The following TNNT3 variants were observed in gnomAD, a reference collection of about 807,000 sequenced individuals.
TNNT3 encodes the protein troponin T3, fast skeletal type.
A neutral mutation model predicts 54.2 loss-of-function variants in TNNT3; 36 were observed. That is an observed-to-expected ratio of 0.66 (90% confidence interval 0.51 to 0.88). TNNT3 has a LOEUF of 0.88. Among genes scored for constraint, TNNT3 ranks in the 40% least tolerant of loss-of-function variants. TNNT3 has a pLI of 0.00. For missense variants in TNNT3, 291 were observed against 331.6 expected (o/e 0.88, Z 0.95); for synonymous variants, 120 against 109.7 (o/e 1.09, Z -0.59).
chr11:1,934,494 GC>G (rs768369029), intron 12 of TNNT3, 49 bp downstream of exon 12: 1 of 1,607,320 alleles, frequency 6.2e-7, no homozygotes, highest in African/African-American at 1.3e-5. Flanking sequence ...TGTGGGCTAC[GC>G]CCTGTGCCCT....
intron 15 of TNNT3, 170 bp from the exon 16 acceptor site, chr11:1,938,267 AG>A: frequency 5.4e-6 from 4 of 736,816 alleles, no homozygotes; most frequent in Non-Finnish European, 9.8e-6. Context: ...CGCCAGGCAC[AG>A]GTGAGTGGGC....
chr11:1,935,840 T>G (rs1391609622), intron 14 of TNNT3, among the ~76,000 whole-genome samples: 3 of 152,028 alleles, frequency 2.0e-5, no homozygotes, highest in African/African-American at 7.2e-5. Flanking sequence ...GAGCTCCTTC[T>G]CGGGGGTTCT....
At chr11:1,934,805 G>A in intron 13 of TNNT3, 24 bp from the exon 14 acceptor site, 2 of 1,611,832 alleles carry the variant, frequency 1.2e-6, no homozygotes, top group Middle Eastern at 1.6e-4. Context: ...ATTCAACGAA[G>A]CCTCACCACT....
intron 7 of TNNT3, among the ~76,000 whole-genome samples, chr11:1,929,600 C>T (rs992525783): frequency 6.6e-6 from 1 of 152,262 alleles, no homozygotes; most frequent in African/African-American, 2.4e-5. Context: ...TGAGCTCTTC[C>T]CCTCCAACCC....
chr11:1,936,839 C>G (rs771065639), intron 14 of TNNT3, 124 bp from the exon 15 acceptor site: 526 of 983,702 alleles, frequency 5.3e-4, no homozygotes, highest in Non-Finnish European at 6.4e-4. Context: ...GAGGAGCCCT[C>G]ATGGGGGCCC....
At chr11:1,932,055 G>A (rs1200884975) in intron 8 of TNNT3, among the ~76,000 whole-genome samples, 2 of 152,192 alleles carry the variant, frequency 1.3e-5, no homozygotes, top group African/African-American at 4.8e-5. Flanking sequence ...AGGGGCTGGG[G>A]AAAGGCACAG....
chr11:1,937,127 CGGCCAGGCCACCCA>C, intron 15 of TNNT3, 124 bp downstream of exon 15: 1 of 1,062,616 alleles, frequency 9.4e-7, no homozygotes, highest in Non-Finnish European at 1.4e-6. Context: ...GAGACTAACC[CGGCCAGGCCACCCA>C]GGCCAGCATG....
At chr11:1,932,926 A>G (rs1853840157) in intron 9 of TNNT3, among the ~76,000 whole-genome samples, 1 of 146,244 alleles carries the variant, frequency 6.8e-6, no homozygotes, top group South Asian at 2.2e-4. Flanking sequence ...CCATTCATCC[A>G]TCCATCCACC....
chr11:1,925,171 C>T (rs1851197753), intron 5 of TNNT3, 55 bp downstream of exon 5: 1 of 1,602,010 alleles, frequency 6.2e-7, no homozygotes. Flanking sequence ...CTTCCCGCCC[C>T]ACCCAAAGTT....
At chr11:1,935,195 T>C in intron 14 of TNNT3, 1 of 542,646 alleles carries the variant, frequency 1.8e-6, no homozygotes. Context: ...AAAAGGACTG[T>C]CGTGGCAGAG....
intron 6 of TNNT3, among the ~76,000 whole-genome samples, chr11:1,927,129 G>A (rs1851838531): frequency 6.6e-6 from 1 of 152,224 alleles, no homozygotes; most frequent in African/African-American, 2.4e-5. Flanking sequence ...CCAGAAGCGG[G>A]AAGGTAGGGA....
At chr11:1,923,262 G>T (rs569755157) in intron 3 of TNNT3, among the ~76,000 whole-genome samples, 2 of 152,202 alleles carry the variant, frequency 1.3e-5, no homozygotes, top group South Asian at 2.1e-4. Flanking sequence ...TGGCCACATG[G>T]TCCTGAGGGG....
Position 1,938,595 on chromosome 11 carries a change from G to T in TNNT3, c.*103G>T, listed in dbSNP as rs761473892. The T allele has an allele frequency of 3.6e-5, 45 of 1,245,048 alleles. No individual in the cohort carries two copies. Among genetic ancestry groups the T allele is most frequent in the Middle Eastern group, 3.7e-4 (2 of 5,388 alleles). 77.1% of individuals were successfully genotyped at this position (1,245,048 alleles called of 1,614,324 possible). A position where few individuals can be genotyped will look rare whatever the true frequency, so the allele number is the denominator to read the frequency against. ...TCCAGCCCCCACAATCCTGTCAGGG[G>T]CTCCCTGACAGTCCTGGGGGTGGAG... On this transcript the variant is annotated 3_prime_UTR_variant, in exon 16 of 16. Coordinates refer to ENST00000278317, the MANE Select transcript of TNNT3 (RefSeq NM_006757.4).
At chr11:1,936,091 G>T (rs1164797967) in intron 14 of TNNT3, 2 of 1,049,134 alleles carry the variant, frequency 1.9e-6, no homozygotes, top group Admixed American at 1.9e-5. Flanking sequence ...GGATAGATGC[G>T]GCCACAGCGG....
chr11:1,938,513 G>C lies in TNNT3; in HGVS notation c.*21G>C, dbSNP rs770274220. Reference sequence around the variant, plus strand: ...AGTAGAGAGGCCAGAAAGGCCCCTCGAGGCAGAGACCCTCCGCCCTCTTGC... The same window carrying C: ...AGTAGAGAGGCCAGAAAGGCCCCTCCAGGCAGAGACCCTCCGCCCTCTTGC... On this transcript the variant is annotated 3_prime_UTR_variant, in exon 16 of 16. Coordinates refer to ENST00000278317, the MANE Select transcript of TNNT3 (RefSeq NM_006757.4). The C allele has an allele frequency of 6.2e-7, 1 of 1,612,502 alleles. No individual in the cohort carries two copies. Among genetic ancestry groups the C allele is most frequent in the Non-Finnish European group, 8.5e-7 (1 of 1,179,512 alleles).
At chr11:1,926,777 C>T (rs1851737587) in intron 6 of TNNT3, 68 bp downstream of exon 6, 2 of 1,598,508 alleles carry the variant, frequency 1.3e-6, no homozygotes, top group African/African-American at 1.3e-5. Flanking sequence ...CTTGCTTCCT[C>T]CCTCTTGCCC....
chr11:1,936,282 G>A (rs1393696367), intron 14 of TNNT3: 1 of 1,612,908 alleles, frequency 6.2e-7, no homozygotes, highest in Non-Finnish European at 8.5e-7. Context: ...CCCTGGGCCA[G>A]GCCCGTGGGT....
At chr11:1,937,882 G>A (rs1855609401) in intron 15 of TNNT3, among the ~76,000 whole-genome samples, 2 of 152,216 alleles carry the variant, frequency 1.3e-5, no homozygotes, top group Non-Finnish European at 2.9e-5. Context: ...CCAGGAACGT[G>A]TGTGAGGGCA....
intron 15 of TNNT3, chr11:1,938,052 C>T: frequency 3.0e-6 from 1 of 328,442 alleles, no homozygotes; most frequent in Non-Finnish European, 6.0e-6. Context: ...ATGGGGCAGG[C>T]TCCTGGGCCC....
Sources: allele counts gnomAD v4.1 joint callset (sites outside exome capture counted in the v4.1 genomes callset), GRCh38; gene constraint gnomAD v4.1.1; transcripts MANE v1.5; gene names NCBI Gene and HGNC (gene_info 2026-07-23, HGNC 2026-07-21).